The following MAP3K13 variants were observed in gnomAD, a reference collection of about 807,000 sequenced individuals.
The protein encoded by MAP3K13 is leucine zipper-bearing kinase.
Under a neutral mutation model 104.0 loss-of-function variants are expected in MAP3K13, and 52 were observed. The ratio of observed to expected loss-of-function variants is 0.50; its 90% CI spans 0.40 to 0.63. The LOEUF (loss-of-function observed/expected upper bound fraction) is 0.63. MAP3K13 is among the 20% of genes least tolerant of loss of function. MAP3K13 has a pLI of 0.00. For synonymous variants in MAP3K13, 394 were observed against 442.2 expected (o/e 0.89, Z 1.37); for missense variants, 914 against 1,218.5 (o/e 0.75, Z 3.72).
chr3:185,358,175 T>C (rs952329934), upstream of MAP3K13, among the ~76,000 whole-genome samples: 2 of 152,204 alleles, frequency 1.3e-5, no homozygotes, highest in Non-Finnish European at 2.9e-5. Context: ...TATACTTTTG[T>C]GCTTAGCTTA....
chr3:185,432,910 G>A (rs999145411), intron 2 of MAP3K13, among the ~76,000 whole-genome samples: 3 of 152,148 alleles, frequency 2.0e-5, no homozygotes, highest in African/African-American at 2.4e-5. Context: ...GTGTTGCTGT[G>A]CACCATGAAA....
chr3:185,416,409 T>G (rs1713772077), intron 1 of MAP3K13, among the ~76,000 whole-genome samples: 1 of 151,942 alleles, frequency 6.6e-6, no homozygotes, highest in Non-Finnish European at 1.5e-5. Context: ...ATATACTATC[T>G]CGTATAATCA....
intron 7 of MAP3K13, among the ~76,000 whole-genome samples, chr3:185,452,292 C>T (rs979673717): frequency 2.6e-5 from 4 of 152,072 alleles, no homozygotes; most frequent in Non-Finnish European, 5.9e-5. Flanking sequence ...GGTCTGATCT[C>T]GGCTCACTGC....
chr3:185,479,073 A>G (rs943782204), intron 12 of MAP3K13, among the ~76,000 whole-genome samples: 1 of 152,170 alleles, frequency 6.6e-6, no homozygotes, highest in African/African-American at 2.4e-5. Context: ...TTTGCAAATT[A>G]TCTCCCCAGA....
chr3:185,284,497 C>T (rs1375108629), intron 1 of MAP3K13, among the ~76,000 whole-genome samples: 2 of 152,092 alleles, frequency 1.3e-5, no homozygotes, highest in African/African-American at 4.8e-5. Flanking sequence ...GGGCGGATCA[C>T]TTGAGGTCAG....
intron 4 of MAP3K13, among the ~76,000 whole-genome samples, chr3:185,446,515 G>T (rs1474017980): frequency 6.6e-6 from 1 of 152,212 alleles, no homozygotes; most frequent in Non-Finnish European, 1.5e-5. Flanking sequence ...TATTGCAAGT[G>T]AATTCGATCT....
At chr3:185,402,383 A>T (rs1712865437) in intron 1 of MAP3K13, among the ~76,000 whole-genome samples, 1 of 151,978 alleles carries the variant, frequency 6.6e-6, no homozygotes, top group Admixed American at 6.6e-5. Flanking sequence ...TGGTTTTTTA[A>T]AACATTTTCT....
intron 7 of MAP3K13, among the ~76,000 whole-genome samples, chr3:185,452,396 G>A (rs931024392): frequency 1.3e-5 from 2 of 151,770 alleles, no homozygotes; most frequent in African/African-American, 2.4e-5. Context: ...GCTAATTTTT[G>A]TTTTTTGTTT....
At position 185,451,283 on chromosome 3, in the gene MAP3K13, T is replaced by G; in HGVS notation, c.1170-4T>G. 6.2e-7 allele frequency: 1 copy of G among 1,602,446 alleles called. No individual in the cohort carries two copies. The highest frequency in any genetic ancestry group is 8.5e-7 in the Non-Finnish European group (1 of 1,173,516). On this transcript the variant is annotated splice_polypyrimidine_tract_variant and splice_region_variant and intron_variant, in intron 6 of 13. Transcript: ENST00000265026. ...AATGCACAAACTGTCTTTTTCACTT[T>G]TAGGCAGAGTAAACCTCGAAACCGA...
In MAP3K13 at chr3:185,315,827, C is replaced by A. The variant is rs1721651681; in HGVS notation, c.-86+30184C>A. Among the ~76,000 whole-genome samples the A allele has an allele frequency of 6.6e-6, 1 of 151,960 alleles. No individual in the cohort carries two copies. The highest frequency in any genetic ancestry group is 2.1e-4 in the South Asian group (1 of 4,824). On this transcript the variant is annotated intron_variant, in intron 2 of 14. Transcript: ENST00000424227. The surrounding 1 kb of genome is among the most constrained non-coding windows in gnomAD (Gnocchi z 4.3). ...CAGAACAGTGGATTAATATATATTG[C>A]TATTATTATATTAATATTTTTGGTT...
chr3:185,287,010 G>A (rs1720537132), intron 2 of MAP3K13, among the ~76,000 whole-genome samples: 1 of 152,118 alleles, frequency 6.6e-6, no homozygotes, highest in Non-Finnish European at 1.5e-5. Flanking sequence ...AGAAGAAGTA[G>A]GGTTACACAA....
chr3:185,443,363 G>A (rs945444889), intron 3 of MAP3K13, 82 bp from the exon 4 acceptor site: 1 of 911,304 alleles, frequency 1.1e-6, no homozygotes, highest in Non-Finnish European at 1.6e-6. Context: ...GTATAGAATT[G>A]GTTTTTATTA....
chr3:185,319,284 G>A lies in MAP3K13; in HGVS notation c.-86+33641G>A, dbSNP rs535031164. Among the ~76,000 whole-genome samples the A allele has an allele frequency of 6.6e-5, 10 of 152,294 alleles. No individual in the cohort carries two copies. In the South Asian group the frequency reaches 1.0e-3, roughly 16 times the overall value. On this transcript the variant is annotated intron_variant, in intron 2 of 14. Transcript: ENST00000424227. ...GAGCATTGTGATGTTTCAGTTGTTA[G>A]TTATTACAAACATTGCACCTAAGTA...
intron 1 of MAP3K13, among the ~76,000 whole-genome samples, chr3:185,409,702 T>G (rs560806998): frequency 2.6e-5 from 4 of 152,224 alleles, no homozygotes; most frequent in Non-Finnish European, 5.9e-5. Context: ...ATTGCAGGAC[T>G]ATTCATGATA....
At chr3:185,302,497 CTTTAA>C (rs1392682064) in intron 2 of MAP3K13, among the ~76,000 whole-genome samples, 1 of 152,156 alleles carries the variant, frequency 6.6e-6, no homozygotes, top group Admixed American at 6.5e-5. Flanking sequence ...TTTGTGTCTT[CTTTAA>C]TTTCTTTCAG....
At chr3:185,318,189 T>TA (rs545692034) in intron 2 of MAP3K13, among the ~76,000 whole-genome samples, 7 of 151,978 alleles carry the variant, frequency 4.6e-5, no homozygotes, top group South Asian at 2.1e-4. Context: ...TCCAATGCTT[T>TA]AAAAAAAATG....
rs753625443 is a variant in MAP3K13, at chr3:185,429,065, G to C, written c.475+9G>C. The C allele has an allele frequency of 2.5e-6, 4 of 1,609,062 alleles. No homozygotes were observed. The highest frequency in any genetic ancestry group is 2.2e-5 in the East Asian group (1 of 44,780). ...CAAATTGCAGCAGCAAGGTAAGCTA[G>C]AATATGGACTTGGAAGATATTTCTT... On this transcript the variant is annotated intron_variant, in intron 2 of 13. Coordinates refer to ENST00000265026, the MANE Select transcript of MAP3K13 (RefSeq NM_004721.5).
At chr3:185,334,889 A>C (rs1489148875) in intron 2 of MAP3K13, among the ~76,000 whole-genome samples, 1 of 152,188 alleles carries the variant, frequency 6.6e-6, no homozygotes, top group Admixed American at 6.5e-5. Context: ...GATTACAGGC[A>C]TGAGCCACCT....
chr3:185,331,972 A>C (rs1270072187), intron 2 of MAP3K13, among the ~76,000 whole-genome samples: 1 of 152,210 alleles, frequency 6.6e-6, no homozygotes, highest in Admixed American at 6.5e-5. Context: ...CTCATTTTTA[A>C]ATAGCTGCCT....
Sources: allele counts gnomAD v4.1 joint callset (sites outside exome capture counted in the v4.1 genomes callset), GRCh38; gene constraint gnomAD v4.1.1; non-coding constraint Gnocchi (gnomAD v3.1); transcripts MANE v1.5; gene names NCBI Gene and HGNC (gene_info 2026-07-23, HGNC 2026-07-21).